The following HMGCLL1 variants were observed in gnomAD, a reference collection of about 807,000 sequenced individuals.
HMGCLL1 encodes the protein 3-hydroxy-3-methylglutaryl-CoA lyase like 1.
In HMGCLL1, 36 loss-of-function variants were observed where a neutral mutation model predicts 39.1. That is an observed-to-expected ratio of 0.92 (90% CI 0.71 to 1.22). The LOEUF is 1.22. Ranked by LOEUF, HMGCLL1 falls within the 50% of genes most tolerant of loss-of-function variation. HMGCLL1 has a pLI of 0.00. For synonymous variants in HMGCLL1, 149 were observed against 144.0 expected, an observed-to-expected ratio of 1.03 and a Z score of -0.25; for missense variants, 451 against 416.5, an observed-to-expected ratio of 1.08 and a Z score of -0.72.
intron 7 of HMGCLL1, among the ~76,000 whole-genome samples, chr6:55,485,982 A>G (rs1766006311): frequency 6.6e-6 from 1 of 151,478 alleles, no homozygotes; most frequent in Admixed American, 6.6e-5. Flanking sequence ...AAATTATATT[A>G]AAATAACTGC....
intron 3 of HMGCLL1, among the ~76,000 whole-genome samples, chr6:55,535,081 G>A (rs1456561057): frequency 6.6e-6 from 1 of 152,144 alleles, no homozygotes; most frequent in Admixed American, 6.6e-5. Context: ...AGCTCTCAGA[G>A]CACAATTTTA....
chr6:55,581,595 T>C (rs144799490), upstream of HMGCLL1, among the ~76,000 whole-genome samples: 5 of 152,216 alleles, frequency 3.3e-5, no homozygotes, highest in East Asian at 9.7e-4. Flanking sequence ...ACATTTTCAA[T>C]ATGTACCCCT....
At chr6:55,597,567 C>G in the HMGCLL1 span, among the ~76,000 whole-genome samples, 1 of 150,922 alleles carries the variant, frequency 6.6e-6, no homozygotes, top group Non-Finnish European at 1.5e-5. Flanking sequence ...GTGCTCATGA[C>G]CAAGAAAATT....
upstream of HMGCLL1, among the ~76,000 whole-genome samples, chr6:55,583,567 T>C (rs539257375): frequency 2.0e-5 from 3 of 152,282 alleles, no homozygotes; most frequent in East Asian, 5.8e-4. Context: ...GGTGTATATG[T>C]GCCACATTTT....
intron 7 of HMGCLL1, among the ~76,000 whole-genome samples, chr6:55,492,196 C>A (rs1766347362): frequency 6.6e-6 from 1 of 152,188 alleles, no homozygotes; most frequent in Non-Finnish European, 1.5e-5. Context: ...GAAGCCACTT[C>A]AAAGATTCCA....
At chr6:55,652,948 G>A in the HMGCLL1 span, among the ~76,000 whole-genome samples, 1 of 151,950 alleles carries the variant, frequency 6.6e-6, no homozygotes, top group Non-Finnish European at 1.5e-5. Flanking sequence ...TAGCTCACCT[G>A]AATAAACAAC....
chr6:55,563,922 G>C, intron 1 of HMGCLL1: 1 of 1,254,018 alleles, frequency 8.0e-7, no homozygotes, highest in Non-Finnish European at 1.0e-6. Context: ...CTCCTTTGGA[G>C]AGGAGGAATG....
chr6:55,439,769 A>C (rs1763521636), intron 7 of HMGCLL1: 2 of 429,142 alleles, frequency 4.7e-6, no homozygotes, highest in Admixed American at 3.9e-5. Flanking sequence ...AAATTCTGCT[A>C]AGGCTCTCTG....
At chr6:55,547,366 A>T (rs1770040231) in intron 1 of HMGCLL1, among the ~76,000 whole-genome samples, 1 of 151,978 alleles carries the variant, frequency 6.6e-6, no homozygotes, top group Admixed American at 6.6e-5. Flanking sequence ...TCTCAGCAGT[A>T]ATAATGGATG....
the HMGCLL1 span, among the ~76,000 whole-genome samples, chr6:55,652,276 T>C: frequency 6.6e-6 from 1 of 150,990 alleles, no homozygotes; most frequent in Admixed American, 6.6e-5. Context: ...TTATAAAATC[T>C]TTTTTTTTAG....
intron 7 of HMGCLL1, among the ~76,000 whole-genome samples, chr6:55,488,550 T>G (rs1766160196): frequency 6.6e-6 from 1 of 152,026 alleles, no homozygotes; most frequent in South Asian, 2.1e-4. Flanking sequence ...AAATAATTCA[T>G]AAAATAATTC....
At chr6:55,509,545 T>C (rs1767332793) in intron 5 of HMGCLL1, among the ~76,000 whole-genome samples, 1 of 151,810 alleles carries the variant, frequency 6.6e-6, no homozygotes, top group Non-Finnish European at 1.5e-5. Flanking sequence ...AGCAAGTAGG[T>C]TGCAAGTTTT....
At chr6:55,585,264 T>C in the HMGCLL1 span, among the ~76,000 whole-genome samples, 1 of 151,912 alleles carries the variant, frequency 6.6e-6, no homozygotes, top group East Asian at 1.9e-4. Flanking sequence ...GATGTAGGAG[T>C]CTATTTATTC....
chr6:55,588,837 C>A, the HMGCLL1 span, among the ~76,000 whole-genome samples: 2 of 151,866 alleles, frequency 1.3e-5, no homozygotes. Flanking sequence ...ACACATACAC[C>A]CTCCCAAAAC....
chr6:55,477,441 T>TA (rs1427034609), intron 7 of HMGCLL1, among the ~76,000 whole-genome samples: 81 of 42,572 alleles, frequency 1.9e-3, no homozygotes, highest in South Asian at 3.3e-3. Flanking sequence ...TTATATATTA[T>TA]ATATATAATA....
At chr6:55,615,069 T>C in the HMGCLL1 span, among the ~76,000 whole-genome samples, 1 of 152,102 alleles carries the variant, frequency 6.6e-6, no homozygotes, top group Non-Finnish European at 1.5e-5. Context: ...TTTGTTGCCA[T>C]TTACCAAATA....
At chr6:55,647,279 A>G in the HMGCLL1 span, among the ~76,000 whole-genome samples, 2 of 151,522 alleles carry the variant, frequency 1.3e-5, no homozygotes, top group East Asian at 3.9e-4. Context: ...TTTTCAGTCT[A>G]TCTGTATCTC....
the HMGCLL1 span, among the ~76,000 whole-genome samples, chr6:55,615,682 GC>G: frequency 6.6e-6 from 1 of 152,078 alleles, no homozygotes; most frequent in Non-Finnish European, 1.5e-5. Flanking sequence ...TATCTGGTAG[GC>G]CCTGCCTTAA....
chr6:55,474,697 T>C (rs1765208935), intron 7 of HMGCLL1, among the ~76,000 whole-genome samples: 2 of 151,500 alleles, frequency 1.3e-5, no homozygotes, highest in South Asian at 2.1e-4. Flanking sequence ...TTGTTGTTGT[T>C]GTTGTCGTTG....
Sources: allele counts gnomAD v4.1 joint callset (sites outside exome capture counted in the v4.1 genomes callset), GRCh38; gene constraint gnomAD v4.1.1; transcripts MANE v1.5; gene names NCBI Gene and HGNC (gene_info 2026-07-23, HGNC 2026-07-21).